The following ANXA8 variants were observed in gnomAD, a reference collection of about 807,000 sequenced individuals.
ANXA8 encodes annexin A8.
Under a neutral mutation model 26.8 loss-of-function variants are expected in ANXA8, and 9 were observed. The observed-to-expected ratio is 0.34, with a 90% CI of 0.20 to 0.59. The LOEUF (loss-of-function observed/expected upper bound fraction) is 0.59. ANXA8 is among the 20% of genes least tolerant of loss of function. The pLI is 0.84. For missense variants in ANXA8, 83 were observed against 238.5 expected (o/e 0.35, Z 4.29); for synonymous variants, 39 against 94.8 (o/e 0.41, Z 3.42).
the ANXA8 span, among the ~76,000 whole-genome samples, chr10:47,891,220 CA>C: frequency 2.9e-5 from 4 of 138,910 alleles, no homozygotes; most frequent in African/African-American, 1.0e-4. Flanking sequence ...AAATTCAAAA[CA>C]GTATAAACCT....
chr10:47,570,703 G>T, the ANXA8 span, among the ~76,000 whole-genome samples: 5 of 150,884 alleles, frequency 3.3e-5, no homozygotes, highest in African/African-American at 1.2e-4. Context: ...AGCCTGGGAG[G>T]TTGAGGCTAC....
At chr10:47,510,231 G>C in the ANXA8 span, 1 of 1,440,302 alleles carries the variant, frequency 6.9e-7, no homozygotes, top group South Asian at 1.2e-5. Context: ...GAATATTGTC[G>C]AACACGAGCT....
chr10:47,733,195 TTC>T, the ANXA8 span, among the ~76,000 whole-genome samples: 2 of 111,382 alleles, frequency 1.8e-5, no homozygotes, highest in Admixed American at 8.9e-5. Flanking sequence ...CTTTCTTTCT[TTC>T]TTTCTTTCTT....
At chr10:47,699,085 G>A in the ANXA8 span, among the ~76,000 whole-genome samples, 10 of 151,728 alleles carry the variant, frequency 6.6e-5, no homozygotes, top group South Asian at 2.1e-4. Context: ...GGTGGCTCAC[G>A]CCTGTAATCC....
At chr10:47,761,102 GCACACACA>G in the ANXA8 span, among the ~76,000 whole-genome samples, 3 of 145,494 alleles carry the variant, frequency 2.1e-5, no homozygotes, top group African/African-American at 7.7e-5. Context: ...ACACACACAC[GCACACACA>G]CACACACACA....
the ANXA8 span, among the ~76,000 whole-genome samples, chr10:47,610,692 G>A: frequency 6.7e-6 from 1 of 150,166 alleles, no homozygotes; most frequent in Admixed American, 6.6e-5. Flanking sequence ...GCAGAACACT[G>A]CAACAGCTAT....
the ANXA8 span, among the ~76,000 whole-genome samples, chr10:47,554,193 CCCT>C: frequency 7.4e-6 from 1 of 135,734 alleles, no homozygotes; most frequent in African/African-American, 2.9e-5. Flanking sequence ...TCCCTGTGGT[CCCT>C]GTGGTCCCAG....
chr10:47,555,029 G>T, the ANXA8 span, among the ~76,000 whole-genome samples: 2 of 151,058 alleles, frequency 1.3e-5, no homozygotes, highest in African/African-American at 4.9e-5. Flanking sequence ...AACCCTCACA[G>T]TATCCCACTC....
the ANXA8 span, among the ~76,000 whole-genome samples, chr10:47,669,208 G>A: frequency 5.3e-5 from 8 of 151,536 alleles, no homozygotes; most frequent in Admixed American, 1.3e-4. Context: ...GAGATTGAGC[G>A]TTTCCTAAGG....
chr10:47,743,359 TATATATATATAC>T, the ANXA8 span, among the ~76,000 whole-genome samples: 3 of 40,516 alleles, frequency 7.4e-5, no homozygotes, highest in Admixed American at 4.2e-4. Flanking sequence ...TATATACACA[TATATATATATAC>T]ATATATATGT....
At chr10:47,510,823 C>A in the ANXA8 span, among the ~76,000 whole-genome samples, 8 of 87,996 alleles carry the variant, frequency 9.1e-5, no homozygotes, top group Non-Finnish European at 1.2e-4. Flanking sequence ...AAGTGAGACT[C>A]CGTCTCAAAA....
chr10:47,562,190 A>T, the ANXA8 span, among the ~76,000 whole-genome samples: 2 of 151,768 alleles, frequency 1.3e-5, no homozygotes, highest in Non-Finnish European at 2.9e-5. Flanking sequence ...ACATTCTCTT[A>T]AAATATTGTT....
chr10:47,581,760 C>T, the ANXA8 span, among the ~76,000 whole-genome samples: 5 of 139,848 alleles, frequency 3.6e-5, no homozygotes, highest in African/African-American at 1.3e-4. Flanking sequence ...GCGCCTGCCA[C>T]CATGCTAACT....
At chr10:47,931,047 AT>A in the ANXA8 span, among the ~76,000 whole-genome samples, 1 of 124,026 alleles carries the variant, frequency 8.1e-6, no homozygotes, top group Admixed American at 8.7e-5. Flanking sequence ...AGGTGAAATA[AT>A]TTTTTCCACA....
the ANXA8 span, among the ~76,000 whole-genome samples, chr10:47,552,190 C>T: frequency 6.6e-6 from 1 of 151,916 alleles, no homozygotes; most frequent in African/African-American, 2.4e-5. Flanking sequence ...TTTTATTCAT[C>T]TCAAGTGTCA....
chr10:47,954,589 A>T, the ANXA8 span, among the ~76,000 whole-genome samples: 4 of 151,396 alleles, frequency 2.6e-5, no homozygotes, highest in African/African-American at 9.7e-5. Context: ...TAAATGCTTG[A>T]GGTGATGGAT....
chr10:47,483,904 C>T lies in ANXA8; in HGVS notation c.21+9G>A. ...CAGGAACCCAAATCTCCTGCCAGCT[C>T]CCACTTACCCAGGATTTCCACCAGG... On this transcript the variant is annotated intron_variant, in intron 1 of 11. Transcript: ENST00000585281. 2 of 1,611,750 alleles carry T rather than the reference C, an allele frequency of 1.2e-6. No homozygotes were observed. Among genetic ancestry groups the T allele is most frequent in the Non-Finnish European group, 8.5e-7 (1 of 1,179,854 alleles).
the ANXA8 span, among the ~76,000 whole-genome samples, chr10:47,947,678 C>A: frequency 6.6e-6 from 1 of 150,772 alleles, no homozygotes; most frequent in Non-Finnish European, 1.5e-5. Context: ...TCTTCCCCTT[C>A]TTCCATGATT....
At chr10:47,653,971 TG>T in the ANXA8 span, among the ~76,000 whole-genome samples, 1 of 150,846 alleles carries the variant, frequency 6.6e-6, no homozygotes, top group East Asian at 1.9e-4. Context: ...ACAATGGGAA[TG>T]GGTAGGAACA....
Sources: gnomAD v4.1 joint callset for allele counts (sites outside exome capture counted in the v4.1 genomes callset) on GRCh38, gnomAD v4.1.1 for gene constraint, MANE v1.5 for transcripts, NCBI Gene and HGNC (gene_info 2026-07-23, HGNC 2026-07-21) for gene names.